The following RALB variants were observed in gnomAD, a reference collection of about 807,000 sequenced individuals.
RALB encodes ras-related protein Ral-B.
In RALB, 16 loss-of-function variants were observed where a neutral mutation model predicts 21.3. The observed-to-expected ratio is 0.75, with a 90% CI of 0.51 to 1.14. The LOEUF is 1.14. RALB is among the 50% of genes most tolerant of loss of function. The pLI is 0.00. For synonymous variants in RALB, 93 were observed against 96.1 expected (o/e 0.97, Z 0.19); for missense variants, 161 against 256.2 (o/e 0.63, Z 2.54).
chr2:120,286,137 T>C, intron 3 of RALB, 55 bp downstream of exon 3: 1 of 1,487,042 alleles, frequency 6.7e-7, no homozygotes, highest in South Asian at 1.1e-5. Context: ...CCTTTTCTCA[T>C]ATGTCTTAGG....
intron 1 of RALB, among the ~76,000 whole-genome samples, chr2:120,253,900 T>G (rs1006052020): frequency 1.3e-5 from 2 of 152,116 alleles, no homozygotes; most frequent in African/African-American, 4.8e-5. Flanking sequence ...TTCTGAAGTT[T>G]TGGGGATGGA....
intron 1 of RALB, among the ~76,000 whole-genome samples, chr2:120,254,968 C>T (rs1005247894): frequency 5.3e-5 from 8 of 152,218 alleles, no homozygotes; most frequent in African/African-American, 1.9e-4. Context: ...TGAGCCACCC[C>T]GTCTGGCAGG....
intron 1 of RALB, among the ~76,000 whole-genome samples, chr2:120,268,636 T>C (rs1689564695): frequency 6.6e-6 from 1 of 152,218 alleles, no homozygotes; most frequent in Admixed American, 6.5e-5. Context: ...ATCGTACCAC[T>C]GCACTGCAGC....
intron 2 of RALB, among the ~76,000 whole-genome samples, chr2:120,283,969 T>G (rs950189412): frequency 1.3e-5 from 2 of 152,260 alleles, no homozygotes; most frequent in African/African-American, 4.8e-5. Flanking sequence ...TTCTGACTTC[T>G]GTGTCAAAGG....
rs1014357606 is a variant in RALB at position 120,259,899 on chromosome 2, G to A, written c.-48+6919G>A. Among the ~76,000 whole-genome samples the A allele has an allele frequency of 2.0e-5, 3 of 152,330 alleles. No homozygotes were observed. The East Asian group carries it at 5.8e-4, about 29-fold the overall frequency. On this transcript the variant is annotated intron_variant, in intron 1 of 4. Transcript: ENST00000272519. ...TGCAGGTCCCAAGCCCTGCCCCGTG[G>A]GAAGGCAGCCAAGGCCCGGCGAGAA...
chr2:120,268,624 T>C (rs1478112027), intron 1 of RALB, among the ~76,000 whole-genome samples: 1 of 152,172 alleles, frequency 6.6e-6, no homozygotes, highest in Non-Finnish European at 1.5e-5. Context: ...TAGTGAGCCA[T>C]GATCGTACCA....
At chr2:120,262,224 G>T (rs11690576) in intron 1 of RALB, among the ~76,000 whole-genome samples, 1 of 151,916 alleles carries the variant, frequency 6.6e-6, no homozygotes. Flanking sequence ...TTTGTAAGAC[G>T]GATGGGGCTA....
upstream of RALB, among the ~76,000 whole-genome samples, chr2:120,249,454 C>T (rs780367038): frequency 6.6e-6 from 1 of 152,210 alleles, no homozygotes; most frequent in East Asian, 1.9e-4. Flanking sequence ...ATAGCACTGG[C>T]ATCTGTTCCT....
intron 2 of RALB, among the ~76,000 whole-genome samples, chr2:120,280,032 G>A (rs958615758): frequency 3.9e-5 from 6 of 152,172 alleles, no homozygotes; most frequent in African/African-American, 1.4e-4. Context: ...CTGTGCTGAC[G>A]TGCGAACATC....
chr2:120,286,259 T>C (rs1002817297), intron 3 of RALB, among the ~76,000 whole-genome samples, 177 bp downstream of exon 3: 1 of 152,238 alleles, frequency 6.6e-6, no homozygotes, highest in Non-Finnish European at 1.5e-5. Flanking sequence ...CATTATAGAC[T>C]ATGATGATTA....
At chr2:120,262,926 T>G (rs1689403445) in intron 1 of RALB, among the ~76,000 whole-genome samples, 1 of 152,198 alleles carries the variant, frequency 6.6e-6, no homozygotes, top group South Asian at 2.1e-4. Flanking sequence ...TCCACTGCCC[T>G]GAGACGTAGG....
chr2:120,279,757 G>A (rs1180935144), intron 2 of RALB, among the ~76,000 whole-genome samples: 4 of 152,244 alleles, frequency 2.6e-5, no homozygotes, highest in East Asian at 1.9e-4. Context: ...CTTGCATTGC[G>A]GCCACATGGC....
rs562298660 is a variant in RALB at position 120,261,450 on chromosome 2, T to C, written c.-48+8470T>C. On this transcript the variant is annotated intron_variant, in intron 1 of 4. Coordinates refer to ENST00000272519, the MANE Select transcript of RALB (RefSeq NM_002881.3). The stretch of plus-strand genomic sequence containing the variant: ...GAGTTAGGGTTTGATGGCTTGGTGT[T>C]CTCTGGGACAAATGAGGTTAGGTTA... Among the ~76,000 whole-genome samples, 17 of 152,224 alleles carry C rather than the reference T, an allele frequency of 1.1e-4. No homozygotes were observed. The South Asian group carries it at 2.9e-3, about 26-fold the overall frequency.
chr2:120,240,544 C>T (rs1278608203), intron 1 of RALB, among the ~76,000 whole-genome samples: 1 of 152,152 alleles, frequency 6.6e-6, no homozygotes, highest in African/African-American at 2.4e-5. Flanking sequence ...AAGGATCCGC[C>T]TGCCTTGGCC....
rs1690367962 is a variant in RALB, at chr2:120,294,062, AGTCCTCTCCTAACTGCCT to A, written c.*810_*827del. The A allele has an allele frequency of 2.5e-6, 1 of 398,102 alleles. No homozygotes were observed. Among genetic ancestry groups the A allele is most frequent in the Admixed American group, 4.4e-5 (1 of 22,708 alleles). The allele number at this position is 398,102 out of a possible 1,614,324, so 24.7% of individuals were successfully genotyped here. Reference sequence around the variant, plus strand: ...TAGATATTTTTAAGTTCTTTGGCTAAGTCCTCTCCTAACTGCCTGTCCTCTGGTTAGGCCCCTCCCTCT... The same window carrying A: ...TAGATATTTTTAAGTTCTTTGGCTAAGTCCTCTGGTTAGGCCCCTCCCTCT... On this transcript the variant is annotated 3_prime_UTR_variant, in exon 5 of 5. Transcript: ENST00000272519.
chr2:120,290,509 A>G (rs757379235), intron 4 of RALB, among the ~76,000 whole-genome samples: 1 of 152,146 alleles, frequency 6.6e-6, no homozygotes, highest in Non-Finnish European at 1.5e-5. Context: ...TTTTGCTCTC[A>G]TTGAGTTATT....
At chr2:120,261,606 C>T (rs1379684763) in intron 1 of RALB, among the ~76,000 whole-genome samples, 1 of 152,124 alleles carries the variant, frequency 6.6e-6, no homozygotes, top group African/African-American at 2.4e-5. Flanking sequence ...AGGCTGCTTT[C>T]TTGAGTTTCT....
intron 1 of RALB, among the ~76,000 whole-genome samples, chr2:120,262,479 G>T (rs1169461842): frequency 2.0e-5 from 3 of 152,162 alleles, no homozygotes; most frequent in Non-Finnish European, 4.4e-5. Context: ...TTCAGGAGAT[G>T]GATGCAGTTC....
chr2:120,286,584 C>G lies in RALB; in HGVS notation c.323+502C>G, dbSNP rs1165460617. On this transcript the variant is annotated intron_variant, in intron 3 of 4. Transcript: ENST00000272519. ...AGGGACGAGAACGCGGCTTTAGAGT[C>G]AGGAGACCTGGTTTGAATCCCTGCC... 2.6e-5 allele frequency among the ~76,000 whole-genome samples: 4 copies of G among 152,322 alleles called. No homozygotes were observed. The East Asian group carries it at 7.7e-4, about 29-fold the overall frequency.
Sources: allele counts gnomAD v4.1 joint callset (sites outside exome capture counted in the v4.1 genomes callset), GRCh38; gene constraint gnomAD v4.1.1; transcripts MANE v1.5; gene names NCBI Gene and HGNC (gene_info 2026-07-23, HGNC 2026-07-21).